The following LRMDA variants were observed in gnomAD, a reference collection of about 807,000 sequenced individuals.
LRMDA encodes the protein leucine rich melanocyte differentiation associated, also known as leucine-rich melanocyte differentiation-associated protein.
LRMDA carries 18 observed loss-of-function variants against 29.8 expected under a neutral mutation model. The ratio of observed to expected loss-of-function variants is 0.60; its 90% CI spans 0.42 to 0.90. The LOEUF is 0.90. Ranked by LOEUF, LRMDA falls within the 40% of genes least tolerant of loss-of-function variation. The probability of loss-of-function intolerance (pLI) is 0.00; values close to 1 mark genes in which losing one functional copy is unlikely to be tolerated. For synonymous variants in LRMDA, 125 were observed against 109.4 expected (o/e 1.14, Z -0.89); for missense variants, 273 against 273.9 (o/e 1.00, Z 0.02).
chr10:75,624,975 G>A (rs1564525379), intron 2 of LRMDA, among the ~76,000 whole-genome samples: 2 of 152,200 alleles, frequency 1.3e-5, no homozygotes, highest in African/African-American at 4.8e-5. Context: ...AGAGTCACAA[G>A]ACCAAGTCTT....
chr10:75,543,609 T>C (rs1231746727), intron 2 of LRMDA, among the ~76,000 whole-genome samples: 1 of 152,208 alleles, frequency 6.6e-6, no homozygotes, highest in Non-Finnish European at 1.5e-5. Flanking sequence ...CGGATTTGAC[T>C]CTCTATGGGA....
At chr10:76,412,626 C>G (rs1270719269) in intron 6 of LRMDA, among the ~76,000 whole-genome samples, 1 of 152,096 alleles carries the variant, frequency 6.6e-6, no homozygotes. Flanking sequence ...GATTCGCTGT[C>G]TAGGGGAAAG....
At chr10:76,041,938 C>G (rs556009764) in intron 3 of LRMDA, among the ~76,000 whole-genome samples, 11 of 152,208 alleles carry the variant, frequency 7.2e-5, no homozygotes, top group Non-Finnish European at 1.6e-4. Flanking sequence ...TAGGAGAATC[C>G]CTGAAATGAT....
intron 5 of LRMDA, among the ~76,000 whole-genome samples, chr10:76,076,677 G>T (rs144905843): frequency 2.0e-5 from 3 of 152,174 alleles, no homozygotes; most frequent in Non-Finnish European, 4.4e-5. Flanking sequence ...GTTGTTACAT[G>T]ATCTCTAACC....
At chr10:76,416,598 CA>C (rs1842017326) in intron 6 of LRMDA, among the ~76,000 whole-genome samples, 1 of 152,136 alleles carries the variant, frequency 6.6e-6, no homozygotes, top group African/African-American at 2.4e-5. Context: ...CAAATAAAAA[CA>C]AATCAAAACA....
At chr10:76,492,426 A>G (rs1304999959) in intron 6 of LRMDA, among the ~76,000 whole-genome samples, 1 of 152,068 alleles carries the variant, frequency 6.6e-6, no homozygotes, top group Non-Finnish European at 1.5e-5. Context: ...CCATAACACT[A>G]TGCTTCTTGC....
At chr10:76,374,453 T>A (rs1181412723) in intron 6 of LRMDA, among the ~76,000 whole-genome samples, 1 of 152,186 alleles carries the variant, frequency 6.6e-6, no homozygotes, top group Non-Finnish European at 1.5e-5. Flanking sequence ...CAGAGCATAC[T>A]GCACAAGATG....
intron 2 of LRMDA, among the ~76,000 whole-genome samples, chr10:75,780,810 G>A (rs1396432518): frequency 1.3e-5 from 2 of 152,160 alleles, no homozygotes; most frequent in Non-Finnish European, 2.9e-5. Context: ...TCATCTGTGT[G>A]TCTCCAGTTG....
chr10:76,184,631 A>G (rs191334722), intron 5 of LRMDA, among the ~76,000 whole-genome samples: 50 of 152,354 alleles, frequency 3.3e-4, no homozygotes, highest in African/African-American at 1.2e-3. Context: ...GGGTCTGGGT[A>G]TAGAGCTAAC....
At chr10:75,713,111 C>T (rs188691937) in intron 2 of LRMDA, among the ~76,000 whole-genome samples, 30 of 152,242 alleles carry the variant, frequency 2.0e-4, no homozygotes, top group Non-Finnish European at 4.0e-4. Flanking sequence ...TCTACCTTTA[C>T]CCAGTCTGTG....
At chr10:76,011,365 C>T (rs1435684419) in intron 2 of LRMDA, among the ~76,000 whole-genome samples, 1 of 152,142 alleles carries the variant, frequency 6.6e-6, no homozygotes, top group African/African-American at 2.4e-5. Context: ...ACTTCCAATC[C>T]CCTAAAAATA....
chr10:76,219,090 G>A (rs1475800745), intron 5 of LRMDA, among the ~76,000 whole-genome samples: 3 of 152,148 alleles, frequency 2.0e-5, no homozygotes, highest in South Asian at 2.1e-4. Context: ...CACCAGGCCT[G>A]CCCTAAAAGA....
chr10:75,792,777 A>G (rs1425368330), intron 2 of LRMDA, among the ~76,000 whole-genome samples: 1 of 152,222 alleles, frequency 6.6e-6, no homozygotes, highest in African/African-American at 2.4e-5. Context: ...CAAAAGAAAA[A>G]ATAGTAATAA....
At chr10:75,708,135 A>G (rs914336722) in intron 2 of LRMDA, among the ~76,000 whole-genome samples, 3 of 152,062 alleles carry the variant, frequency 2.0e-5, no homozygotes, top group African/African-American at 7.2e-5. Context: ...ATTATTATTT[A>G]TTTGTCATCT....
At chr10:76,509,165 G>T (rs553500771) in intron 6 of LRMDA, among the ~76,000 whole-genome samples, 119 of 152,300 alleles carry the variant, frequency 7.8e-4, no homozygotes, top group Non-Finnish European at 1.4e-3. Context: ...CACTGAGGTA[G>T]AAAATATGCA....
At chr10:75,750,483 C>CGG (rs1842947073) in intron 2 of LRMDA, among the ~76,000 whole-genome samples, 11 of 45,466 alleles carry the variant, frequency 2.4e-4, no homozygotes, top group African/African-American at 1.2e-3. Flanking sequence ...CCAGACGGGG[C>CGG]GGGGGGTGGG....
At chr10:76,126,728 T>C (rs1247792292) in intron 5 of LRMDA, among the ~76,000 whole-genome samples, 2 of 152,242 alleles carry the variant, frequency 1.3e-5, no homozygotes, top group Non-Finnish European at 2.9e-5. Context: ...AGGGGTTGCA[T>C]TTAGCTCAGG....
intron 6 of LRMDA, among the ~76,000 whole-genome samples, chr10:76,397,345 C>T (rs1233307123): frequency 6.6e-6 from 1 of 152,170 alleles, no homozygotes; most frequent in East Asian, 1.9e-4. Context: ...ACTTCCTTCA[C>T]TCTGAGCTTC....
chr10:75,679,236 T>C (rs1021942404), intron 2 of LRMDA, among the ~76,000 whole-genome samples: 1 of 152,244 alleles, frequency 6.6e-6, no homozygotes, highest in Non-Finnish European at 1.5e-5. Flanking sequence ...TTTTCTTTTC[T>C]AAAACAACAA....
Sources: allele counts gnomAD v4.1 joint callset (sites outside exome capture counted in the v4.1 genomes callset), GRCh38; gene constraint gnomAD v4.1.1; transcripts MANE v1.5; gene names NCBI Gene and HGNC (gene_info 2026-07-23, HGNC 2026-07-21).